The following ACVRL1 variants were observed in gnomAD, a reference collection of about 807,000 sequenced individuals.
ACVRL1 encodes activin A receptor like type 1.
Under a neutral mutation model 51.9 loss-of-function variants are expected in ACVRL1, and 20 were observed. The ratio of observed to expected loss-of-function variants is 0.39; its 90% confidence interval spans 0.27 to 0.56. The LOEUF (loss-of-function observed/expected upper bound fraction) is 0.56, where lower values mean the gene tolerates loss of function less well. ACVRL1 is among the 20% of genes least tolerant of loss of function. ACVRL1 has a pLI of 0.67. For synonymous variants in ACVRL1, 288 were observed against 280.9 expected (o/e 1.03, Z -0.25); for missense variants, 451 against 670.3 (o/e 0.67, Z 3.61).
chr12:51,921,422 T>A lies in ACVRL1; in HGVS notation c.*529T>A, dbSNP rs1205349441. ...GTGGATTTGTATCTCAGCTCCATGATGCCTTGGGCTTTCTGTCTCCTCAAC... is the reference window on the plus strand; with the variant it reads ...GTGGATTTGTATCTCAGCTCCATGAAGCCTTGGGCTTTCTGTCTCCTCAAC... On this transcript the variant is annotated 3_prime_UTR_variant, in exon 10 of 10. Transcript: ENST00000388922. 5.2e-6 allele frequency: 1 copy of A among 192,098 alleles called. No homozygotes were observed. The highest frequency in any genetic ancestry group is 2.3e-5 in the African/African-American group (1 of 42,894). The allele number at this position is 192,098 out of a possible 1,614,324, so 11.9% of individuals were successfully genotyped here. A position where few individuals can be genotyped will look rare whatever the true frequency, so the allele number is the denominator to read the frequency against.
chr12:51,910,876 T>C (rs1290951751), intron 1 of ACVRL1, among the ~76,000 whole-genome samples: 1 of 152,152 alleles, frequency 6.6e-6, no homozygotes, highest in Non-Finnish European at 1.5e-5. Flanking sequence ...CCTGGGCCTC[T>C]GGGGCAGAGG....
rs535100317 is a variant in ACVRL1 at position 51,913,824 on chromosome 12, C to T, written c.525+54C>T. 3.1e-6 allele frequency: 5 copies of T among 1,597,810 alleles called. No individual in the cohort carries two copies. The East Asian group carries it at 6.8e-5, about 22-fold the overall frequency. ...GTGTAGGAGGGGCAGATAGGAACTG[C>T]AGAATCAGAGGGGTCACCCAGAGAT... On this transcript the variant is annotated intron_variant, in intron 4 of 9. Coordinates refer to ENST00000388922, the MANE Select transcript of ACVRL1 (RefSeq NM_000020.3).
At chr12:51,914,865 T>C (rs975909852) in intron 6 of ACVRL1, among the ~76,000 whole-genome samples, 5 of 152,234 alleles carry the variant, frequency 3.3e-5, no homozygotes, top group African/African-American at 1.2e-4. Context: ...CACTTCAGCC[T>C]CTTGAGTAGC....
At chr12:51,912,302 T>C in intron 1 of ACVRL1, 168 bp from the exon 2 acceptor site, 1 of 725,222 alleles carries the variant, frequency 1.4e-6, no homozygotes, top group African/African-American at 1.7e-5. Flanking sequence ...GAACCAGGAC[T>C]TCCCCTGCAG....
chr12:51,913,574 C>T lies in ACVRL1; in HGVS notation c.329C>T (p.Ser110Leu), dbSNP rs143872998. ...SLVLEATQPP[S>L]EQPGTDGQLA... ...CCTCCCTCAGCCACCCAACCTCCTT[C>T]GGAGCAGCCGGGAACAGATGGCCAG... The change falls in exon 4 of 10, where the codon TCG becomes TTG. Residue 110 changes from serine to leucine, a missense_variant. Transcript: ENST00000388922. 152 of 1,598,158 alleles carry T rather than the reference C, an allele frequency of 9.5e-5. No individual in the cohort carries two copies. The African/African-American group carries it at 1.2e-3, about 12-fold the overall frequency.
At chr12:51,918,876 G>A (rs1347129474) in intron 8 of ACVRL1, 109 bp from the exon 9 acceptor site, 15 of 1,533,704 alleles carry the variant, frequency 9.8e-6, no homozygotes, top group Middle Eastern at 1.7e-4. Context: ...AGCGTGTCCA[G>A]GCCACTGGTT....
At chr12:51,916,654 T>C (rs1940847255) in intron 8 of ACVRL1, among the ~76,000 whole-genome samples, 1 of 152,224 alleles carries the variant, frequency 6.6e-6, no homozygotes, top group South Asian at 2.1e-4. Context: ...CGTGCGTAGG[T>C]TATTTGACCT....
rs201207660 is a variant in ACVRL1 at position 51,914,027 on chromosome 12, G to T, written c.579G>T (p.Leu193=). ...GGAGTGGCTCAGGGCTCCCCTTCCTGGTGCAGAGGACAGTGGCACGGCAGG... is the reference window on the plus strand; with the variant it reads ...GGAGTGGCTCAGGGCTCCCCTTCCTTGTGCAGAGGACAGTGGCACGGCAGG... ...TTGSGSGLPF[L]VQRTVARQVA... The change falls in exon 5 of 10, where the codon CTG becomes CTT. Residue 193 remains leucine, a synonymous_variant. Coordinates refer to ENST00000388922, the MANE Select transcript of ACVRL1 (RefSeq NM_000020.3). 4 of 1,613,930 alleles carry T rather than the reference G, an allele frequency of 2.5e-6. No homozygotes were observed. The highest frequency in any genetic ancestry group is 1.7e-4 in the Middle Eastern group (1 of 6,056).
intron 8 of ACVRL1, 77 bp from the exon 9 acceptor site, chr12:51,918,908 A>G: frequency 6.2e-7 from 1 of 1,610,110 alleles, no homozygotes; most frequent in Non-Finnish European, 8.5e-7. Flanking sequence ...GATAGAGGGT[A>G]GAAAAGGCTC....
At chr12:51,918,077 C>T (rs552834025) in intron 8 of ACVRL1, among the ~76,000 whole-genome samples, 1 of 152,314 alleles carries the variant, frequency 6.6e-6, no homozygotes, top group South Asian at 2.1e-4. Context: ...TGGCCCCCAG[C>T]CTCAGGCTGG....
chr12:51,919,486 C>G (rs935612113), intron 9 of ACVRL1: 2 of 335,330 alleles, frequency 6.0e-6, no homozygotes, highest in Non-Finnish European at 1.2e-5. Context: ...ACCTCAAACT[C>G]CTCGGCTCAA....
chr12:51,919,234 T>TAACC, intron 9 of ACVRL1, 119 bp downstream of exon 9: 1 of 1,468,158 alleles, frequency 6.8e-7, no homozygotes, highest in Non-Finnish European at 9.3e-7. Flanking sequence ...GTGTCCTGGT[T>TAACC]AGGGCACCTC....
chr12:51,910,764 T>C (rs1565591176), intron 1 of ACVRL1, among the ~76,000 whole-genome samples: 1 of 152,186 alleles, frequency 6.6e-6, no homozygotes, highest in Non-Finnish European at 1.5e-5. Flanking sequence ...CGCACAGTGC[T>C]AGCCAGAGTC....
Position 51,917,461 on chromosome 12 carries a change from G to T in ACVRL1, c.1246+1228G>T, listed in dbSNP as rs1269277037. Reference sequence around the variant, plus strand: ...GAGGATAGGTGGGTCGTCTAGACTGGTGGGAGCATTGTCAACCTTTGAGGA... The same window carrying T: ...GAGGATAGGTGGGTCGTCTAGACTGTTGGGAGCATTGTCAACCTTTGAGGA... On this transcript the variant is annotated intron_variant, in intron 8 of 9. Coordinates refer to ENST00000388922, the MANE Select transcript of ACVRL1 (RefSeq NM_000020.3). This position sits in a 1 kb window ranked among gnomAD's most constrained non-coding sequence, Gnocchi z 4.2. Among the ~76,000 whole-genome samples the T allele has an allele frequency of 6.6e-6, 1 of 152,232 alleles. No individual in the cohort carries two copies.
chr12:51,914,023 T>G lies in ACVRL1; in HGVS notation c.575T>G (p.Phe192Cys). 1 of 1,613,912 alleles carries G rather than the reference T, an allele frequency of 6.2e-7. No individual in the cohort carries two copies. The highest frequency in any genetic ancestry group is 1.1e-5 in the South Asian group (1 of 91,044). ...ACAGGGAGTGGCTCAGGGCTCCCCTTCCTGGTGCAGAGGACAGTGGCACGG... is the reference window on the plus strand; with the variant it reads ...ACAGGGAGTGGCTCAGGGCTCCCCTGCCTGGTGCAGAGGACAGTGGCACGG... ...CTTGSGSGLP[F>C]LVQRTVARQV... Residue 192 changes from phenylalanine (F) to cysteine (C), a missense_variant, in exon 5 of 10, where the codon TTC (phenylalanine) becomes TGC (cysteine). Coordinates refer to ENST00000388922, the MANE Select transcript of ACVRL1 (RefSeq NM_000020.3).
intron 1 of ACVRL1, among the ~76,000 whole-genome samples, chr12:51,908,253 TC>T (rs371191217): frequency 6.6e-6 from 1 of 151,906 alleles, no homozygotes; most frequent in Non-Finnish European, 1.5e-5. Context: ...GATCCCAGTC[TC>T]CCCCCAGGCT....
Position 51,918,125 on chromosome 12 carries a change from C to T in ACVRL1, c.1247-860C>T, listed in dbSNP as rs538581752. Among the ~76,000 whole-genome samples, 23 of 152,318 alleles carry T rather than the reference C, an allele frequency of 1.5e-4. No homozygotes were observed. The East Asian group carries it at 3.3e-3, about 22-fold the overall frequency. On this transcript the variant is annotated intron_variant, in intron 8 of 9. Transcript: ENST00000388922. The stretch of plus-strand genomic sequence containing the variant: ...GGCACGGGGCTGTCTGCGGCTCCAC[C>T]GGCATTGTTTTCAGAAAGCTCCTAC...
Position 51,912,611 on chromosome 12 carries a change from C to T in ACVRL1, c.61+76C>T, listed in dbSNP as rs1940715852. On this transcript the variant is annotated intron_variant, in intron 2 of 9. Transcript: ENST00000388922. ...CTATCTGGGCCCAGATCAGCTCTGC[C>T]TGGGGCTGAACTTGAGAAGCTGGGG... 1.0e-5 allele frequency: 13 copies of T among 1,285,898 alleles called. No homozygotes were observed. The South Asian group carries it at 1.6e-4, about 16-fold the overall frequency. The allele number at this position is 1,285,898 out of a possible 1,614,324, so 79.7% of individuals were successfully genotyped here. A position where few individuals can be genotyped will look rare whatever the true frequency, so the allele number is the denominator to read the frequency against.
Position 51,907,974 on chromosome 12 carries a change from C to G in ACVRL1, c.-6+279C>G, listed in dbSNP as rs1028750544. Among the ~76,000 whole-genome samples, 3 of 152,310 alleles carry G rather than the reference C, an allele frequency of 2.0e-5. No individual in the cohort carries two copies. In the East Asian group the frequency reaches 5.8e-4, roughly 29 times the overall value. Reference sequence around the variant, plus strand: ...GACTTCACTTCTCTGTTCTCCTACCCTCTTCATAAAATGGGCAGTGGGATT... The same window carrying G: ...GACTTCACTTCTCTGTTCTCCTACCGTCTTCATAAAATGGGCAGTGGGATT... On this transcript the variant is annotated intron_variant, in intron 1 of 9. Coordinates refer to ENST00000388922, the MANE Select transcript of ACVRL1 (RefSeq NM_000020.3). The surrounding 1 kb of genome is among the most constrained non-coding windows in gnomAD (Gnocchi z 4.5).
Sources: allele counts gnomAD v4.1 joint callset (sites outside exome capture counted in the v4.1 genomes callset), GRCh38; gene constraint gnomAD v4.1.1; non-coding constraint Gnocchi (gnomAD v3.1); transcripts MANE v1.5; gene names NCBI Gene and HGNC (gene_info 2026-07-23, HGNC 2026-07-21).